Variants in USP28 observed in about 807,000 individuals in gnomAD.
USP28 encodes the protein ubiquitin specific peptidase 28, also known as ubiquitin carboxyl-terminal hydrolase 28.
USP28 carries 113 observed loss-of-function variants against 145.0 expected under a neutral mutation model. The observed-to-expected ratio is 0.78, with a 90% confidence interval of 0.67 to 0.91. The LOEUF is 0.91. USP28 is among the 40% of genes least tolerant of loss of function. The probability of loss-of-function intolerance (pLI) is 0.00; values close to 1 mark genes in which losing one functional copy is unlikely to be tolerated. For missense variants in USP28, 1,201 were observed against 1,289.6 expected (o/e 0.93, Z 1.05); for synonymous variants, 447 against 450.9 (o/e 0.99, Z 0.11).
At chr11:113,852,786 A>G (rs772030017) in intron 2 of USP28, among the ~76,000 whole-genome samples, 153 bp from the exon 3 acceptor site, 2 of 152,146 alleles carry the variant, frequency 1.3e-5, no homozygotes, top group Non-Finnish European at 2.9e-5. Context: ...AGTAGGTCTA[A>G]TGTGCTTGAA....
intron 12 of USP28, chr11:113,818,174 C>CA: frequency 6.0e-6 from 1 of 167,390 alleles, no homozygotes; most frequent in Non-Finnish European, 1.3e-5. Flanking sequence ...TTTTTTGAGA[C>CA]AGAGTCTCCC....
intron 13 of USP28, among the ~76,000 whole-genome samples, chr11:113,815,958 C>T (rs1941672756): frequency 6.6e-6 from 1 of 152,188 alleles, no homozygotes; most frequent in Non-Finnish European, 1.5e-5. Context: ...TCAAACAATC[C>T]TAGCTCTACT....
intron 4 of USP28, among the ~76,000 whole-genome samples, chr11:113,841,032 T>C (rs932269206): frequency 1.3e-5 from 2 of 152,196 alleles, no homozygotes; most frequent in South Asian, 2.1e-4. Flanking sequence ...GCTACCATAT[T>C]AGAAATTTTA....
chr11:113,825,692 G>A (rs1943205953), intron 11 of USP28, among the ~76,000 whole-genome samples: 1 of 152,110 alleles, frequency 6.6e-6, no homozygotes, highest in African/African-American at 2.4e-5. Context: ...GAACAACATG[G>A]GTGAATCCCA....
At chr11:113,827,986 C>A (rs1282284904) in intron 10 of USP28, among the ~76,000 whole-genome samples, 1 of 152,104 alleles carries the variant, frequency 6.6e-6, no homozygotes. Context: ...AATCAACCTA[C>A]GATGTTACTT....
chr11:113,855,907 C>T (rs1156707287), intron 1 of USP28, among the ~76,000 whole-genome samples: 5 of 152,044 alleles, frequency 3.3e-5, no homozygotes, highest in Admixed American at 1.3e-4. Context: ...AGCACAACTC[C>T]GTCTCAATAA....
intron 5 of USP28, among the ~76,000 whole-genome samples, chr11:113,837,248 T>C (rs964902365): frequency 2.0e-5 from 3 of 152,252 alleles, no homozygotes; most frequent in African/African-American, 7.2e-5. Flanking sequence ...TGGGCACAGT[T>C]GTCTTTGTTT....
intron 3 of USP28, among the ~76,000 whole-genome samples, chr11:113,842,641 A>G (rs1945336416): frequency 6.6e-6 from 1 of 152,008 alleles, no homozygotes; most frequent in Non-Finnish European, 1.5e-5. Flanking sequence ...ATGAGTTAAT[A>G]CTAGATGGAG....
In USP28 at chr11:113,835,557, T is replaced by G. The variant is rs1043956443; in HGVS notation, c.535-1222A>C. Among the ~76,000 whole-genome samples the G allele has an allele frequency of 2.6e-5, 4 of 152,222 alleles. No individual in the cohort carries two copies. The East Asian group carries it at 7.7e-4, about 29-fold the overall frequency. ...ACTGAAGTGTAAACCCAGGTCATGC[T>G]GCACCAAAGTTCTCTCTGGGACCAG... On this transcript the variant is annotated intron_variant, in intron 5 of 24. Transcript: ENST00000003302.
At chr11:113,870,639 A>G (rs1276581872) in intron 1 of USP28, among the ~76,000 whole-genome samples, 1 of 152,206 alleles carries the variant, frequency 6.6e-6, no homozygotes, top group Non-Finnish European at 1.5e-5. Flanking sequence ...ACAATCAGCC[A>G]TTTGCTGGAG....
intron 3 of USP28, among the ~76,000 whole-genome samples, chr11:113,851,540 A>G (rs1946442312): frequency 6.6e-6 from 1 of 152,174 alleles, no homozygotes. Flanking sequence ...TCACACCTGT[A>G]ATCCTAGCAC....
Position 113,812,442 on chromosome 11 carries a change from C to T in USP28, c.1806G>A (p.Trp602Ter), listed in dbSNP as rs1422681451. 1 of 1,613,946 alleles carries T rather than the reference C, an allele frequency of 6.2e-7. No homozygotes were observed. Among genetic ancestry groups the T allele is most frequent in the Non-Finnish European group, 8.5e-7 (1 of 1,180,004 alleles). The change falls in exon 16 of 25, where the codon TGG becomes TGA. Residue 602 changes from tryptophan (W) to a stop codon, truncating the protein, a stop_gained. Coordinates refer to ENST00000003302, the Ensembl canonical transcript of USP28. LOFTEE classifies it high-confidence loss of function. ...GTCGGGGTTGATTATAGATATAGGC[C>T]CAATAGTGTCCAGCATTTGCTTGTC...
intron 12 of USP28, chr11:113,821,068 G>A (rs2135651403): frequency 4.2e-6 from 1 of 239,236 alleles, no homozygotes; most frequent in South Asian, 6.5e-5. Context: ...GGGGGATATG[G>A]GAGTTGTCAC....
exon 13 of USP28, chr11:113,817,836 A>G (rs1367102594): frequency 1.2e-6 from 2 of 1,614,038 alleles, no homozygotes; most frequent in African/African-American, 2.7e-5. Flanking sequence ...TATTTCACAT[A>G]CCTAAGCGAC....
intron 17 of USP28, 128 bp from the exon 18 acceptor site, chr11:113,808,565 A>G (rs1940433789): frequency 3.1e-6 from 3 of 975,302 alleles, no homozygotes; most frequent in Non-Finnish European, 4.2e-6. Flanking sequence ...ACAAAAGCCT[A>G]TGCAGATTTT....
chr11:113,854,526 C>T (rs1384179288), intron 1 of USP28, among the ~76,000 whole-genome samples, 191 bp from the exon 2 acceptor site: 1 of 152,164 alleles, frequency 6.6e-6, no homozygotes, highest in Admixed American at 6.5e-5. Flanking sequence ...CTCAGCCTCC[C>T]GAGTAGTTGG....
chr11:113,863,727 C>G (rs796638192), intron 1 of USP28, among the ~76,000 whole-genome samples: 1 of 151,164 alleles, frequency 6.6e-6, no homozygotes, highest in East Asian at 1.9e-4. Context: ...GGCCGGATCA[C>G]AAGGTCAGGA....
At chr11:113,875,215 TC>T (rs1266931730) in intron 1 of USP28, among the ~76,000 whole-genome samples, 1 of 151,956 alleles carries the variant, frequency 6.6e-6, no homozygotes, top group Non-Finnish European at 1.5e-5. Context: ...AATCTGGAAA[TC>T]CCCCTACAAC....
chr11:113,858,115 C>T (rs1947265226), intron 1 of USP28, among the ~76,000 whole-genome samples: 1 of 152,200 alleles, frequency 6.6e-6, no homozygotes, highest in Non-Finnish European at 1.5e-5. Context: ...ATCCACCTGT[C>T]TCAGCCTCCC....
Sources: allele counts gnomAD v4.1 joint callset (sites outside exome capture counted in the v4.1 genomes callset), GRCh38; gene constraint gnomAD v4.1.1; transcripts MANE v1.5; gene names NCBI Gene and HGNC (gene_info 2026-07-23, HGNC 2026-07-21).